The following NLGN1 variants were observed in gnomAD, a reference collection of about 807,000 sequenced individuals.
NLGN1 encodes the protein neuroligin-1.
NLGN1 carries 12 observed loss-of-function variants against 65.5 expected under a neutral mutation model. The ratio of observed to expected loss-of-function variants is 0.18; its 90% CI spans 0.12 to 0.30. The LOEUF is 0.30. Ranked by LOEUF, NLGN1 falls within the 10% of genes least tolerant of loss-of-function variation. NLGN1 has a pLI of 1.00. For missense variants in NLGN1, 750 were observed against 1,007.1 expected, an observed-to-expected ratio of 0.74 and a Z score of 3.46; for synonymous variants, 350 against 359.5, an observed-to-expected ratio of 0.97 and a Z score of 0.30.
rs200783208 is a variant in NLGN1, at chr3:174,090,316, C to CA, written c.647-184991dup. ...TGAAATCTCGTCTCTATTAAAAATA[C>CA]AAAAAAAATAGCCTGGCGTGGTGGC... is the stretch of plus-strand genomic sequence containing the variant. On this transcript the variant is annotated intron_variant, in intron 4 of 6. Transcript: ENST00000457714. 1.4e-3 allele frequency among the ~76,000 whole-genome samples: 215 copies of CA among 151,346 alleles called. 2 individuals carry two copies. The highest frequency in any genetic ancestry group is 2.3e-3 in the East Asian group (12 of 5,134).
chr3:173,570,790 A>G (rs1404544446), intron 2 of NLGN1, among the ~76,000 whole-genome samples: 1 of 152,008 alleles, frequency 6.6e-6, no homozygotes, highest in Admixed American at 6.5e-5. Context: ...TGCAGCCTCC[A>G]CCTCCCAGGT....
chr3:174,004,625 G>A (rs2152432120), intron 4 of NLGN1, among the ~76,000 whole-genome samples: 1 of 152,208 alleles, frequency 6.6e-6, no homozygotes, highest in African/African-American at 2.4e-5. Context: ...GTGGATCTAT[G>A]TTGGCTTCTT....
At chr3:173,915,090 T>C (rs1579160428) in intron 4 of NLGN1, 1 of 152,210 alleles carries the variant, frequency 6.6e-6, no homozygotes, top group African/African-American at 2.4e-5. Flanking sequence ...TGGAGCAACA[T>C]ATTAACAGGA....
chr3:174,217,560 C>T (rs1737848719), intron 4 of NLGN1, among the ~76,000 whole-genome samples: 1 of 152,046 alleles, frequency 6.6e-6, no homozygotes, highest in South Asian at 2.1e-4. Flanking sequence ...CCCATGAGAC[C>T]TCTCTGTGGG....
At chr3:174,221,489 G>C (rs1410331410) in intron 4 of NLGN1, among the ~76,000 whole-genome samples, 3 of 152,060 alleles carry the variant, frequency 2.0e-5, no homozygotes, top group Non-Finnish European at 4.4e-5. Context: ...TTGGGTTCCA[G>C]TTATGACACA....
intron 4 of NLGN1, among the ~76,000 whole-genome samples, chr3:174,177,632 C>T (rs1245080629): frequency 4.0e-5 from 6 of 151,860 alleles, no homozygotes; most frequent in South Asian, 2.1e-4. Flanking sequence ...GTCATTTGGA[C>T]GCCAACTAAA....
At chr3:173,926,330 G>A (rs1377639499) in intron 4 of NLGN1, among the ~76,000 whole-genome samples, 2 of 152,088 alleles carry the variant, frequency 1.3e-5, no homozygotes, top group African/African-American at 2.4e-5. Context: ...TCTCAAAAAC[G>A]TCTAAGTCTC....
At chr3:173,540,055 T>G (rs1738571005) in intron 2 of NLGN1, among the ~76,000 whole-genome samples, 1 of 151,854 alleles carries the variant, frequency 6.6e-6, no homozygotes, top group African/African-American at 2.4e-5. Flanking sequence ...ATTTGGTGGC[T>G]TCTGGTTAAG....
intron 3 of NLGN1, among the ~76,000 whole-genome samples, chr3:173,683,950 G>A (rs1233577167): frequency 2.0e-5 from 3 of 152,054 alleles, no homozygotes; most frequent in Non-Finnish European, 4.4e-5. Context: ...TGATTCCAAA[G>A]CCAAAGCTAT....
chr3:173,898,225 G>C (rs992583487), intron 4 of NLGN1, among the ~76,000 whole-genome samples: 12 of 152,242 alleles, frequency 7.9e-5, no homozygotes, highest in African/African-American at 2.9e-4. Flanking sequence ...TTCAATCATT[G>C]AGATAATTTC....
chr3:173,945,965 A>C (rs1747068786), intron 4 of NLGN1, among the ~76,000 whole-genome samples: 1 of 152,192 alleles, frequency 6.6e-6, no homozygotes, highest in African/African-American at 2.4e-5. Flanking sequence ...ACTTTGAGTC[A>C]AATACAATAT....
chr3:174,074,226 T>C (rs1270384590), intron 4 of NLGN1, among the ~76,000 whole-genome samples: 1 of 152,146 alleles, frequency 6.6e-6, no homozygotes, highest in African/African-American at 2.4e-5. Flanking sequence ...ACTGACTCTA[T>C]ATAAATACCT....
At chr3:174,020,457 A>C in intron 4 of NLGN1, among the ~76,000 whole-genome samples, 1 of 152,142 alleles carries the variant, frequency 6.6e-6, no homozygotes, top group Middle Eastern at 3.4e-3. Context: ...TTTACTTCTT[A>C]CTTTATATTT....
At chr3:173,718,996 C>G (rs772960357) in intron 3 of NLGN1, among the ~76,000 whole-genome samples, 6 of 152,172 alleles carry the variant, frequency 3.9e-5, no homozygotes, top group Non-Finnish European at 5.9e-5. Context: ...CATACCACTG[C>G]CATTTTCCTT....
rs1368763517 is a variant in NLGN1 at position 174,260,726 on chromosome 3, TG to T, written c.647-14588del. Among the ~76,000 whole-genome samples the T allele has an allele frequency of 2.6e-3, 383 of 149,800 alleles. 1 individual carries two copies. The highest frequency in any genetic ancestry group is 9.2e-3 in the African/African-American group (373 of 40,516). On this transcript the variant is annotated intron_variant, in intron 4 of 6. Transcript: ENST00000457714. ...TGTCAATTTTGGCTTTTGTTGCCAT[TG>T]CTTTTGGTGTTTTGGACATGAAGTC... is the stretch of plus-strand genomic sequence containing the variant.
At chr3:173,841,104 T>G (rs1000628616) in intron 4 of NLGN1, among the ~76,000 whole-genome samples, 8 of 150,290 alleles carry the variant, frequency 5.3e-5, no homozygotes, top group Admixed American at 5.3e-4. Flanking sequence ...AGAAATACTT[T>G]AAAACTCTAC....
At chr3:173,580,639 G>C (rs1055991018) in intron 2 of NLGN1, among the ~76,000 whole-genome samples, 2 of 151,878 alleles carry the variant, frequency 1.3e-5, no homozygotes, top group East Asian at 3.9e-4. Flanking sequence ...AAATGAATTT[G>C]ATTCACATTT....
chr3:173,728,084 G>A (rs894251802), intron 3 of NLGN1, among the ~76,000 whole-genome samples: 1 of 152,104 alleles, frequency 6.6e-6, no homozygotes, highest in African/African-American at 2.4e-5. Flanking sequence ...TTGCCCTATG[G>A]TGGGAAAGTC....
intron 4 of NLGN1, among the ~76,000 whole-genome samples, chr3:173,874,951 G>A (rs1731845605): frequency 6.6e-6 from 1 of 152,158 alleles, no homozygotes; most frequent in South Asian, 2.1e-4. Context: ...GTGGATTTTT[G>A]AAGTGCTTAG....
Sources: gnomAD v4.1 joint callset for allele counts (sites outside exome capture counted in the v4.1 genomes callset) on GRCh38, gnomAD v4.1.1 for gene constraint, MANE v1.5 for transcripts, NCBI Gene and HGNC (gene_info 2026-07-23, HGNC 2026-07-21) for gene names.